The following VIRMA variants were observed in gnomAD, a reference collection of about 807,000 sequenced individuals.
VIRMA encodes the protein vir like m6A methyltransferase associated.
Under a neutral mutation model 182.4 loss-of-function variants are expected in VIRMA, and 65 were observed. The ratio of observed to expected loss-of-function variants is 0.36; its 90% CI spans 0.29 to 0.44. VIRMA has a LOEUF of 0.44. VIRMA is among the 20% of genes least tolerant of loss of function. The pLI, the probability that VIRMA is intolerant of heterozygous loss-of-function variation, is 1.00. For missense variants in VIRMA, 1,752 were observed against 2,158.1 expected (o/e 0.81, Z 3.73); for synonymous variants, 709 against 743.1 (o/e 0.95, Z 0.75).
intron 20 of VIRMA, among the ~76,000 whole-genome samples, chr8:94,493,019 C>T (rs940266637): frequency 2.0e-4 from 31 of 152,240 alleles, no homozygotes; most frequent in South Asian, 2.1e-4. Context: ...AGTAATGCTA[C>T]TTTTTTTGTG....
At chr8:94,499,767 G>A (rs182011763) in intron 16 of VIRMA, among the ~76,000 whole-genome samples, 7 of 152,136 alleles carry the variant, frequency 4.6e-5, no homozygotes, top group Non-Finnish European at 8.8e-5. Context: ...ACAAGAGGCT[G>A]GGTGTGGTGG....
At chr8:94,518,929 T>C in intron 9 of VIRMA, 56 bp downstream of exon 9, 1 of 1,439,602 alleles carries the variant, frequency 6.9e-7, no homozygotes, top group Non-Finnish European at 9.4e-7. Flanking sequence ...ACTAGACCAT[T>C]AGTTAATCTG....
intron 20 of VIRMA, among the ~76,000 whole-genome samples, chr8:94,493,785 C>T (rs1040393539): frequency 2.6e-5 from 4 of 152,088 alleles, no homozygotes; most frequent in African/African-American, 9.7e-5. Flanking sequence ...ATGATGAACA[C>T]CAGTATGTTT....
intron 1 of VIRMA, 57 bp downstream of exon 1, chr8:94,553,328 T>G: frequency 6.4e-7 from 1 of 1,563,136 alleles, no homozygotes; most frequent in Non-Finnish European, 8.8e-7. Flanking sequence ...CCTAACGGTT[T>G]TTTTGTAAAG....
At chr8:94,533,496 CA>C (rs1489818152) in intron 5 of VIRMA, 5 of 152,318 alleles carry the variant, frequency 3.3e-5, no homozygotes, top group Admixed American at 3.3e-4. Context: ...GGCTGGAGTG[CA>C]GTGGCATGAT....
chr8:94,489,940 T>C lies in VIRMA; in HGVS notation c.5283A>G (p.Thr1761=), dbSNP rs748072056. Residue 1761 remains threonine (T), a splice_region_variant and synonymous_variant, in exon 23 of 24, where the codon ACA becomes ACG. Transcript: ENST00000297591. ...PLPPLRPLSS[T]GYRPSPRDRA... ...ATATCAAGTAGCAAGGATGTATACC[T>C]GTAGAACTAAGGGGTCGTAATGGTG... 1 of 1,612,906 alleles carries C rather than the reference T, an allele frequency of 6.2e-7. No homozygotes were observed. Among genetic ancestry groups the C allele is most frequent in the East Asian group, 2.2e-5 (1 of 44,884 alleles).
chr8:94,520,861 T>C (rs1234104960), intron 8 of VIRMA, among the ~76,000 whole-genome samples: 1 of 152,082 alleles, frequency 6.6e-6, no homozygotes, highest in Non-Finnish European at 1.5e-5. Flanking sequence ...AGCTTTCAAA[T>C]TGTCAATTTT....
At chr8:94,553,230 G>A (rs1244302460) in intron 1 of VIRMA, among the ~76,000 whole-genome samples, 155 bp downstream of exon 1, 1 of 152,184 alleles carries the variant, frequency 6.6e-6, no homozygotes, top group Admixed American at 6.5e-5. Flanking sequence ...CCCTCCCTCA[G>A]ACGCGATGCT....
intron 1 of VIRMA, among the ~76,000 whole-genome samples, chr8:94,545,066 A>G (rs1815715186): frequency 6.6e-6 from 1 of 151,630 alleles, no homozygotes; most frequent in South Asian, 2.1e-4. Context: ...TTGAGGCTAT[A>G]GTTAAGTTAT....
At chr8:94,539,949 G>A (rs904436994) in intron 2 of VIRMA, among the ~76,000 whole-genome samples, 4 of 152,148 alleles carry the variant, frequency 2.6e-5, no homozygotes, top group East Asian at 3.8e-4. Flanking sequence ...CTGCAAGAAC[G>A]TTCTTGCCAG....
intron 2 of VIRMA, 107 bp from the exon 3 acceptor site, chr8:94,538,453 T>A: frequency 3.0e-6 from 2 of 668,454 alleles, no homozygotes; most frequent in South Asian, 4.0e-5. Context: ...AGAATTAGAA[T>A]ATGATGTTCC....
At chr8:94,495,283 C>T (rs922280898) in intron 19 of VIRMA, among the ~76,000 whole-genome samples, 7 of 152,074 alleles carry the variant, frequency 4.6e-5, no homozygotes, top group Non-Finnish European at 5.9e-5. Context: ...GGATTATAGT[C>T]GTGAGCCAAT....
intron 15 of VIRMA, among the ~76,000 whole-genome samples, chr8:94,507,631 T>C (rs1189782381): frequency 3.3e-5 from 5 of 151,670 alleles, no homozygotes; most frequent in Admixed American, 3.3e-4. Context: ...GGCACACACA[T>C]GTAATCCCAA....
In VIRMA at chr8:94,518,976, G is replaced by C; in HGVS notation, c.2513+9C>G. The C allele has an allele frequency of 6.3e-7, 1 of 1,579,788 alleles. No homozygotes were observed. The highest frequency in any genetic ancestry group is 8.6e-7 in the Non-Finnish European group (1 of 1,167,122). On this transcript the variant is annotated intron_variant, in intron 9 of 23. Transcript: ENST00000297591. ...TCATAGAAAATTTAAGGAGTAAGTA[G>C]GAAATTACCCCAAGGCTTCTTTGGA...
At chr8:94,540,491 T>A (rs1815508173) in intron 2 of VIRMA, among the ~76,000 whole-genome samples, 1 of 140,082 alleles carries the variant, frequency 7.1e-6, no homozygotes, top group Non-Finnish European at 1.5e-5. Flanking sequence ...TGAGACGGAG[T>A]CTTGCTCTTG....
chr8:94,499,514 TAAAG>T lies in VIRMA; in HGVS notation c.4098-12_4098-9del. 1 of 1,417,128 alleles carries T rather than the reference TAAAG, an allele frequency of 7.1e-7. No individual in the cohort carries two copies. The highest frequency in any genetic ancestry group is 9.8e-7 in the Non-Finnish European group (1 of 1,021,188). 87.8% of individuals were successfully genotyped at this position (1,417,128 alleles called of 1,614,324 possible). A position where few individuals can be genotyped will look rare whatever the true frequency, so the allele number is the denominator to read the frequency against. On this transcript the variant is annotated splice_polypyrimidine_tract_variant and intron_variant, in intron 16 of 23. Coordinates refer to ENST00000297591, the MANE Select transcript of VIRMA (RefSeq NM_015496.5). ...CTGTTTTTCCTTAAAGAACTGTAAA[TAAAG>T]AAAATAAAGAGAAGATATTATCTTA...
chr8:94,533,505 G>C (rs929815552), intron 5 of VIRMA: 1 of 152,328 alleles, frequency 6.6e-6, no homozygotes, highest in Admixed American at 6.6e-5. Context: ...GCAGTGGCAT[G>C]ATCATGACTC....
rs1222161231 is a variant in VIRMA at position 94,538,294 on chromosome 8, T to C, written c.232A>G (p.Lys78Glu). Reference sequence around the variant, plus strand: ...CTATCGAAAACAGGGGCACTTGGTTTGCTTACATTGTTGAAGAATAAGTCT... The same window carrying C: ...CTATCGAAAACAGGGGCACTTGGTTCGCTTACATTGTTGAAGAATAAGTCT... ...QLDLFFNNVS[K>E]PSAPVFDRLG... The change falls in exon 3 of 24, where the codon AAA (lysine) becomes GAA (glutamate). Residue 78 changes from lysine to glutamate, a missense_variant. Around this residue, in one of 11 missense-constraint regions of VIRMA, gnomAD observed 195 missense variants for 191.7 expected, o/e 1.02. Coordinates refer to ENST00000297591, the MANE Select transcript of VIRMA (RefSeq NM_015496.5). The C allele has an allele frequency of 1.2e-6, 2 of 1,613,576 alleles. No homozygotes were observed.
chr8:94,525,113 T>TC (rs1289035560), intron 8 of VIRMA, among the ~76,000 whole-genome samples: 2 of 152,032 alleles, frequency 1.3e-5, no homozygotes, highest in Non-Finnish European at 2.9e-5. Flanking sequence ...TTCTCAGGGT[T>TC]CCCCCCAAAG....
Sources: allele counts gnomAD v4.1 joint callset (sites outside exome capture counted in the v4.1 genomes callset), GRCh38; gene constraint gnomAD v4.1.1; regional missense constraint gnomAD v4.1.1; transcripts MANE v1.5; gene names NCBI Gene and HGNC (gene_info 2026-07-23, HGNC 2026-07-21).